The following LRG1 variants were observed in gnomAD, a reference collection of about 807,000 sequenced individuals.
LRG1 encodes the protein leucine-rich alpha-2-glycoprotein.
A neutral mutation model predicts 2.4 loss-of-function variants in LRG1; 1 was observed. The ratio of observed to expected loss-of-function variants is 0.41; its 90% CI spans 0.15 to 1.95. The LOEUF is 1.95. Ranked by LOEUF, LRG1 falls within the 30% of genes most tolerant of loss-of-function variation. The pLI is 0.30. For missense variants in LRG1, 425 were observed against 436.9 expected, an observed-to-expected ratio of 0.97 and a Z score of 0.24; for synonymous variants, 226 against 210.6, an observed-to-expected ratio of 1.07 and a Z score of -0.63.
Position 4,538,515 on chromosome 19 carries a change from C to A in LRG1, c.469G>T (p.Val157Phe). Residue 157 changes from valine to phenylalanine, a missense_variant, in exon 2 of 2, where the codon GTC becomes TTC. Val to Phe is a conservative substitution (Grantham distance 50). Transcript: ENST00000306390. Reference sequence around the variant, plus strand: ...GCTTTCAGGCCGTGTAGCCACGAGACCTCCAGGACCTCCAGCTGGTTTTCT... The same window carrying A: ...GCTTTCAGGCCGTGTAGCCACGAGAACTCCAGGACCTCCAGCTGGTTTTCT... ...LKENQLEVLE[V>F]SWLHGLKALG... 6 of 1,613,930 alleles carry A rather than the reference C, an allele frequency of 3.7e-6. No individual in the cohort carries two copies. Among genetic ancestry groups the A allele is most frequent in the Non-Finnish European group, 4.2e-6 (5 of 1,180,040 alleles).
At position 4,538,399 on chromosome 19, in the gene LRG1, A is replaced by G. The variant is rs1294349203; in HGVS notation, c.585T>C (p.Leu195=). The change falls in exon 2 of 2, where the codon CTT becomes CTC. Residue 195 remains leucine (L), a synonymous_variant. Transcript: ENST00000306390. The stretch of plus-strand genomic sequence containing the variant: ...GCAAGGTCTCCAACTGGTTCTCCCC[A>G]AGGTCAAGGGTGCGCAGGAGGGTGA... ...ANFTLLRTLD[L]GENQLETLPP... 2 of 1,614,148 alleles carry G rather than the reference A, an allele frequency of 1.2e-6. No homozygotes were observed. Among genetic ancestry groups the G allele is most frequent in the Non-Finnish European group, 1.7e-6 (2 of 1,180,020 alleles).
In LRG1 at chr19:4,537,974, C is replaced by G. The variant is rs1976964113; in HGVS notation, c.1010G>C (p.Gly337Ala). 6.2e-7 allele frequency: 1 copy of G among 1,613,026 alleles called. No homozygotes were observed. The highest frequency in any genetic ancestry group is 8.5e-7 in the Non-Finnish European group (1 of 1,179,552). ...TRCAGPEAVK[G>A]QTLLAVAKSQ is the part of the protein sequence containing the mutation. ...CTTGGCCACTGCCAGGAGCGTCTGG[C>G]CCTTCACGGCTTCAGGCCCAGCACA... The change falls in exon 2 of 2, where the codon GGC becomes GCC. Residue 337 changes from glycine to alanine, a missense_variant. Transcript: ENST00000306390.
In LRG1 at chr19:4,538,191, G is replaced by A. The variant is rs760259360; in HGVS notation, c.793C>T (p.Leu265=). The A allele has an allele frequency of 4.3e-6, 7 of 1,613,982 alleles. No individual in the cohort carries two copies. Among genetic ancestry groups the A allele is most frequent in the Non-Finnish European group, 5.9e-6 (7 of 1,180,032 alleles). Residue 265 remains leucine, a synonymous_variant, in exon 2 of 2, where the codon CTG becomes TTG. Coordinates refer to ENST00000306390, the MANE Select transcript of LRG1 (RefSeq NM_052972.3). ...GCCAGTGAGTTATTGGAGAGGTCCA[G>A]CATGTCCAGCTGCCGCAGGCCCTGG... ...AFQGLRQLDM[L]DLSNNSLASV...
Position 4,538,174 on chromosome 19 carries a change from G to T in LRG1, c.810C>A (p.Asn270Lys). ...RQLDMLDLSN[N>K]SLASVPEGLW... ...GCCCCTCGGGCACGCTGGCCAGTGA[G>T]TTATTGGAGAGGTCCAGCATGTCCA... Residue 270 changes from asparagine to lysine, a missense_variant, in exon 2 of 2, where the codon AAC becomes AAA. Coordinates refer to ENST00000306390, the MANE Select transcript of LRG1 (RefSeq NM_052972.3). 1 of 1,614,040 alleles carries T rather than the reference G, an allele frequency of 6.2e-7. No homozygotes were observed. The highest frequency in any genetic ancestry group is 8.5e-7 in the Non-Finnish European group (1 of 1,180,034).
In LRG1 at chr19:4,538,024, C is replaced by T; in HGVS notation, c.960G>A (p.Lys320=). The T allele has an allele frequency of 1.2e-5, 19 of 1,614,168 alleles. No individual in the cohort carries two copies. The highest frequency in any genetic ancestry group is 1.6e-5 in the Non-Finnish European group (19 of 1,180,052). Residue 320 remains lysine (K), a synonymous_variant, in exon 2 of 2, where the codon AAG becomes AAA. Coordinates refer to ENST00000306390, the MANE Select transcript of LRG1 (RefSeq NM_052972.3). ...LYRWLQAQKD[K]MFSQNDTRCA... Reference sequence around the variant, plus strand: ...AGCGCGTGTCATTCTGGGAAAACATCTTGTCTTTTTGGGCCTGAAGCCAAC... The same window carrying T: ...AGCGCGTGTCATTCTGGGAAAACATTTTGTCTTTTTGGGCCTGAAGCCAAC...
Position 4,538,714 on chromosome 19 carries a change from G to A in LRG1, c.270C>T (p.Gly90=), listed in dbSNP as rs10412220. 6.5e-3 allele frequency: 10,356 copies of A among 1,605,004 alleles called. 615 individuals are homozygous for A. The African/African-American group carries it at 0.12, about 19-fold the overall frequency. ...GGTGCAATTCTTGGAGCTTAGAGGCGCCCTGGAGGAGGTTGGCTGGCAGGT... is the reference window on the plus strand; with the variant it reads ...GGTGCAATTCTTGGAGCTTAGAGGCACCCTGGAGGAGGTTGGCTGGCAGGT... The part of the protein sequence containing the change: ...LTHLPANLLQ[G]ASKLQELHLS... Residue 90 remains glycine (G), a synonymous_variant, in exon 2 of 2, where the codon GGC becomes GGT. Transcript: ENST00000306390.
rs1214389156 is a variant in LRG1 at position 4,536,404 on chromosome 19, T to TTTTTAA, written c.*1535_*1536insTTAAAA. ...AATGACCACAGATGTAGGCATGGTC[T>TTTTTAA]TTTTATTTTTATTTTTATTTTTGAG... On this transcript the variant is annotated 3_prime_UTR_variant, in exon 2 of 2. Transcript: ENST00000306390. The TTTTTAA allele has an allele frequency of 6.7e-6, 1 of 149,974 alleles. No homozygotes were observed. The highest frequency in any genetic ancestry group is 2.4e-5 in the African/African-American group (1 of 40,936). The allele number at this position is 149,974 out of a possible 1,614,324, so 9.3% of individuals were successfully genotyped here.
In LRG1 at chr19:4,537,724, C is replaced by T. The variant is rs982966746; in HGVS notation, c.*216G>A. The T allele has an allele frequency of 9.2e-6, 5 of 540,672 alleles. No homozygotes were observed. Among genetic ancestry groups the T allele is most frequent in the African/African-American group, 1.9e-5 (1 of 52,724 alleles). The allele number at this position is 540,672 out of a possible 1,614,324, so 33.5% of individuals were successfully genotyped here. A position where few individuals can be genotyped will look rare whatever the true frequency, so the allele number is the denominator to read the frequency against. ...CTGGGACTACAGGTGCCCACCACCACGCCTGGCTAATTTTTTATATTTTTA... is the reference window on the plus strand; with the variant it reads ...CTGGGACTACAGGTGCCCACCACCATGCCTGGCTAATTTTTTATATTTTTA... On this transcript the variant is annotated 3_prime_UTR_variant, in exon 2 of 2. Transcript: ENST00000306390.
chr19:4,539,715 A>G (rs989306955), intron 1 of LRG1, among the ~76,000 whole-genome samples: 8 of 152,198 alleles, frequency 5.3e-5, no homozygotes, highest in Admixed American at 2.0e-4. Flanking sequence ...GCCATCAGAC[A>G]TGATCTCGAC....
In LRG1 at chr19:4,538,352, G is replaced by A. The variant is rs536526716; in HGVS notation, c.632C>T (p.Pro211Leu). 4.2e-5 allele frequency: 68 copies of A among 1,614,178 alleles called. No individual in the cohort carries two copies. Among genetic ancestry groups the A allele is most frequent in the South Asian group, 1.8e-4 (16 of 91,078 alleles). The change falls in exon 2 of 2, where the codon CCG becomes CTG. Residue 211 changes from proline (P) to leucine (L), a missense_variant. By Grantham distance (98) the Pro-to-Leu change is moderately conservative. Coordinates refer to ENST00000306390, the MANE Select transcript of LRG1 (RefSeq NM_052972.3). Reference protein sequence around the residue: ...ETLPPDLLRGPLQLERLHLEG... With the variant: ...ETLPPDLLRGLLQLERLHLEG... ...TAGATGTAGCCGTTCTAATTGCAGC[G>A]GACCCCTCAGGAGGTCAGGTGGCAA...
In LRG1 at chr19:4,538,351, C is replaced by T. The variant is rs773685410; in HGVS notation, c.633G>A (p.Pro211=). 111 of 1,614,092 alleles carry T rather than the reference C, an allele frequency of 6.9e-5. No homozygotes were observed. Among genetic ancestry groups the T allele is most frequent in the Middle Eastern group, 1.6e-4 (1 of 6,084 alleles). Residue 211 remains proline, a synonymous_variant, in exon 2 of 2, where the codon CCG becomes CCA. Transcript: ENST00000306390. ...CTAGATGTAGCCGTTCTAATTGCAGCGGACCCCTCAGGAGGTCAGGTGGCA... is the reference window on the plus strand; with the variant it reads ...CTAGATGTAGCCGTTCTAATTGCAGTGGACCCCTCAGGAGGTCAGGTGGCA... The part of the protein sequence containing the change: ...ETLPPDLLRG[P]LQLERLHLEG...
rs200554386 is a variant in LRG1 at position 4,538,276 on chromosome 19, C to T, written c.708G>A (p.Pro236=). The T allele has an allele frequency of 6.2e-6, 10 of 1,614,164 alleles. No individual in the cohort carries two copies. Among genetic ancestry groups the T allele is most frequent in the East Asian group, 4.5e-5 (2 of 44,888 alleles). The part of the protein sequence containing the change: ...VLGKDLLLPQ[P]DLRYLFLNGN... ...CGTTCAGGAAGAGGTAGCGCAGGTC[C>T]GGCTGCGGCAAGAGGAGATCTTTTC... is the stretch of plus-strand genomic sequence containing the variant. Residue 236 remains proline (P), a synonymous_variant, in exon 2 of 2, where the codon CCG becomes CCA. Transcript: ENST00000306390.
In LRG1 at chr19:4,538,036, G is replaced by T; in HGVS notation, c.948C>A (p.Ala316=). The T allele has an allele frequency of 6.2e-7, 1 of 1,614,176 alleles. No homozygotes were observed. Among genetic ancestry groups the T allele is most frequent in the Non-Finnish European group, 8.5e-7 (1 of 1,180,048 alleles). The change falls in exon 2 of 2, where the codon GCC becomes GCA. Residue 316 remains alanine, a synonymous_variant. Transcript: ENST00000306390. ...TCTGGGAAAACATCTTGTCTTTTTG[G>T]GCCTGAAGCCAACGATAGAGGTCGC... ...NLSDLYRWLQ[A]QKDKMFSQND...
In LRG1 at chr19:4,538,084, G is replaced by A; in HGVS notation, c.900C>T (p.Pro300=). The part of the protein sequence containing the change: ...MRDGFDISGN[P]WICDQNLSDL... ...CGCTCAGGTTCTGGTCACAGATCCA[G>A]GGGTTGCCGGAGATGTCGAAGCCAT... The change falls in exon 2 of 2, where the codon CCC becomes CCT. Residue 300 remains proline (P), a synonymous_variant. Transcript: ENST00000306390. 6.2e-7 allele frequency: 1 copy of A among 1,614,218 alleles called. No individual in the cohort carries two copies. Among genetic ancestry groups the A allele is most frequent in the Non-Finnish European group, 8.5e-7 (1 of 1,180,038 alleles).
rs1174231336 is a variant in LRG1 at position 4,538,899 on chromosome 19, ACAG to A, written c.82_84del (p.Leu29del). The A allele has an allele frequency of 3.3e-6, 5 of 1,519,608 alleles. No homozygotes were observed. The highest frequency in any genetic ancestry group is 4.4e-6 in the Non-Finnish European group (5 of 1,132,454). The allele number at this position is 1,519,608 out of a possible 1,614,324, so 94.1% of individuals were successfully genotyped here. A position where few individuals can be genotyped will look rare whatever the true frequency, so the allele number is the denominator to read the frequency against. On this transcript the variant is annotated inframe_deletion, in exon 2 of 2. Transcript: ENST00000306390. ...GTGACCCCCCAGGCTGAGGCTGCCA[ACAG>A]CAGCAGCAGGAACAGAGTTCTAGAA...
At chr19:4,539,523 A>G (rs1487687572) in intron 1 of LRG1, among the ~76,000 whole-genome samples, 2 of 152,232 alleles carry the variant, frequency 1.3e-5, no homozygotes, top group Non-Finnish European at 2.9e-5. Flanking sequence ...TCAGTTGCCC[A>G]GGCTGGAGGG....
At chr19:4,539,700 C>T (rs1356559917) in intron 1 of LRG1, among the ~76,000 whole-genome samples, 2 of 152,212 alleles carry the variant, frequency 1.3e-5, no homozygotes, top group East Asian at 1.9e-4. Flanking sequence ...TTCCCTGGCC[C>T]GGCAGCCATC....
In LRG1 at chr19:4,538,174, G is replaced by C. The variant is rs749102960; in HGVS notation, c.810C>G (p.Asn270Lys). Residue 270 changes from asparagine (N) to lysine (K), a missense_variant, in exon 2 of 2, where the codon AAC becomes AAG. Coordinates refer to ENST00000306390, the MANE Select transcript of LRG1 (RefSeq NM_052972.3). Reference protein sequence around the residue: ...RQLDMLDLSNNSLASVPEGLW... With the variant: ...RQLDMLDLSNKSLASVPEGLW... ...GCCCCTCGGGCACGCTGGCCAGTGA[G>C]TTATTGGAGAGGTCCAGCATGTCCA... is the stretch of plus-strand genomic sequence containing the variant. The C allele has an allele frequency of 6.2e-7, 1 of 1,613,922 alleles. No homozygotes were observed. The highest frequency in any genetic ancestry group is 1.3e-5 in the African/African-American group (1 of 74,946).
Position 4,538,445 on chromosome 19 carries a change from G to A in LRG1, c.539C>T (p.Pro180Leu), listed in dbSNP as rs1448853437. ...DLSGNRLRKL[P>L]PGLLANFTLL... ...GGTGAAGTTGGCCAGCAGCCCGGGG[G>A]GCAGTTTCCGGAGGCGGTTCCCAGA... The change falls in exon 2 of 2, where the codon CCC (proline) becomes CTC (leucine). Residue 180 changes from proline to leucine, a missense_variant. By Grantham distance (98) the Pro-to-Leu change is moderately conservative (BLOSUM62 -3). Coordinates refer to ENST00000306390, the MANE Select transcript of LRG1 (RefSeq NM_052972.3). 4.3e-6 allele frequency: 7 copies of A among 1,614,054 alleles called. No homozygotes were observed. Among genetic ancestry groups the A allele is most frequent in the Admixed American group, 1.7e-5 (1 of 60,008 alleles).
Sources: gnomAD v4.1 joint callset for allele counts (sites outside exome capture counted in the v4.1 genomes callset) on GRCh38, gnomAD v4.1.1 for gene constraint, MANE v1.5 for transcripts, NCBI Gene and HGNC (gene_info 2026-07-23, HGNC 2026-07-21) for gene names.